The following PEBP4 variants were observed in gnomAD, a reference collection of about 807,000 sequenced individuals.
PEBP4 encodes the protein phosphatidylethanolamine binding protein 4, also known as phosphatidylethanolamine-binding protein 4.
PEBP4 carries 22 observed loss-of-function variants against 23.9 expected under a neutral mutation model. The observed-to-expected ratio is 0.92, with a 90% confidence interval of 0.66 to 1.31. PEBP4 has a LOEUF of 1.31. Ranked by LOEUF, PEBP4 falls within the 40% of genes most tolerant of loss-of-function variation. The pLI is 0.00. For synonymous variants in PEBP4, 112 were observed against 99.3 expected (o/e 1.13, Z -0.76); for missense variants, 324 against 281.7 (o/e 1.15, Z -1.07).
At chr8:22,913,467 C>T (rs1425179490) in intron 3 of PEBP4, among the ~76,000 whole-genome samples, 1 of 152,176 alleles carries the variant, frequency 6.6e-6, no homozygotes, top group Non-Finnish European at 1.5e-5. Flanking sequence ...CATGACATTG[C>T]CTCTTCCCCC....
intron 3 of PEBP4, among the ~76,000 whole-genome samples, chr8:22,879,118 C>G (rs1256684396): frequency 6.6e-6 from 1 of 152,164 alleles, no homozygotes; most frequent in Non-Finnish European, 1.5e-5. Context: ...TAGATCTCAG[C>G]TAGGAAGGGA....
intron 3 of PEBP4, among the ~76,000 whole-genome samples, chr8:22,849,275 T>C (rs1283918671): frequency 6.6e-6 from 1 of 152,228 alleles, no homozygotes; most frequent in African/African-American, 2.4e-5. Flanking sequence ...TAAAAATAGA[T>C]TATGGCTACC....
At chr8:22,791,027 A>T (rs1298151887) in intron 4 of PEBP4, among the ~76,000 whole-genome samples, 2 of 152,188 alleles carry the variant, frequency 1.3e-5, no homozygotes, top group African/African-American at 4.8e-5. Flanking sequence ...GTGGTCAGCC[A>T]CTACCCTTTG....
At chr8:22,881,215 C>G (rs570398025) in intron 3 of PEBP4, among the ~76,000 whole-genome samples, 2 of 152,220 alleles carry the variant, frequency 1.3e-5, no homozygotes, top group Non-Finnish European at 2.9e-5. Flanking sequence ...TCTGGACTCT[C>G]CCAATCCCAC....
intron 4 of PEBP4, among the ~76,000 whole-genome samples, chr8:22,735,490 A>ATG (rs1463384167): frequency 6.6e-6 from 1 of 152,242 alleles, no homozygotes; most frequent in African/African-American, 2.4e-5. Context: ...CAGAACCAGC[A>ATG]TGTGAGTCTT....
intron 2 of PEBP4, 55 bp downstream of exon 2, chr8:22,927,529 A>G (rs1483802347): frequency 1.2e-5 from 19 of 1,561,238 alleles, no homozygotes; most frequent in Non-Finnish European, 1.6e-5. Flanking sequence ...CCTCCCTGCC[A>G]TCTACCTGCC....
intron 3 of PEBP4, among the ~76,000 whole-genome samples, chr8:22,889,991 G>C (rs997344267): frequency 6.6e-6 from 1 of 152,186 alleles, no homozygotes; most frequent in African/African-American, 2.4e-5. Flanking sequence ...TGAGGTCTCT[G>C]AGCAAGCCGC....
intron 3 of PEBP4, among the ~76,000 whole-genome samples, chr8:22,916,835 A>G (rs1809086493): frequency 6.6e-6 from 1 of 152,236 alleles, no homozygotes; most frequent in African/African-American, 2.4e-5. Context: ...AGAGACAGGA[A>G]TGAGCAACTA....
chr8:22,827,750 A>G (rs532191084), intron 3 of PEBP4, among the ~76,000 whole-genome samples: 1 of 152,370 alleles, frequency 6.6e-6, no homozygotes, highest in African/African-American at 2.4e-5. Flanking sequence ...TTAGACGTCT[A>G]GAGTGGAACT....
At chr8:22,856,349 T>C (rs1474532394) in intron 3 of PEBP4, among the ~76,000 whole-genome samples, 2 of 152,222 alleles carry the variant, frequency 1.3e-5, no homozygotes, top group African/African-American at 4.8e-5. Flanking sequence ...AATACAGTGT[T>C]GATGAAATGT....
At chr8:22,898,909 C>G (rs1213165990) in intron 3 of PEBP4, among the ~76,000 whole-genome samples, 2 of 152,204 alleles carry the variant, frequency 1.3e-5, no homozygotes, top group Non-Finnish European at 2.9e-5. Flanking sequence ...GGGCCCCACC[C>G]TGTAAACTAG....
At chr8:22,933,419 A>G (rs931041247) in intron 1 of PEBP4, among the ~76,000 whole-genome samples, 5 of 152,236 alleles carry the variant, frequency 3.3e-5, no homozygotes, top group Admixed American at 6.5e-5. Context: ...TTTGAAAGCA[A>G]TAAGAGAGAA....
At chr8:22,906,710 C>A (rs1346353371) in intron 3 of PEBP4, among the ~76,000 whole-genome samples, 1 of 152,206 alleles carries the variant, frequency 6.6e-6, no homozygotes, top group Non-Finnish European at 1.5e-5. Context: ...AATCTCTTGT[C>A]ATCTTCATCT....
chr8:22,889,119 G>T (rs551992279), intron 3 of PEBP4, among the ~76,000 whole-genome samples: 2 of 152,320 alleles, frequency 1.3e-5, no homozygotes, highest in African/African-American at 2.4e-5. Flanking sequence ...TTCAAACCTC[G>T]AAAATGACTT....
At chr8:22,867,932 G>C (rs1807938304) in intron 3 of PEBP4, among the ~76,000 whole-genome samples, 1 of 152,192 alleles carries the variant, frequency 6.6e-6, no homozygotes, top group African/African-American at 2.4e-5. Context: ...TGTCCAATAG[G>C]TGATGAACCC....
intron 3 of PEBP4, among the ~76,000 whole-genome samples, chr8:22,833,942 G>A (rs952219760): frequency 2.6e-5 from 4 of 152,202 alleles, no homozygotes; most frequent in African/African-American, 9.7e-5. Context: ...CCTGAAGTCC[G>A]TAGCCAAATC....
chr8:22,797,528 C>T (rs1467315007), intron 4 of PEBP4, among the ~76,000 whole-genome samples: 1 of 152,060 alleles, frequency 6.6e-6, no homozygotes, highest in East Asian at 1.9e-4. Flanking sequence ...TTAGGAATAA[C>T]TTCGTTTTGG....
chr8:22,745,129 G>A (rs911103933), intron 4 of PEBP4, among the ~76,000 whole-genome samples: 10 of 152,170 alleles, frequency 6.6e-5, no homozygotes, highest in Admixed American at 2.0e-4. Flanking sequence ...TGGAGACTTC[G>A]GACTTGCTCA....
At position 22,719,359 on chromosome 8, in the gene PEBP4, C is replaced by T. The variant is rs61371139; in HGVS notation, c.517+5484G>A. Among the ~76,000 whole-genome samples, 183 of 152,278 alleles carry T rather than the reference C, an allele frequency of 1.2e-3. 3 individuals are homozygous for T. In the East Asian group the frequency reaches 0.028, roughly 23 times the overall value. ...GGGCAGAGAGGGGATTTCCCCTGCT[C>T]GCTTGCAAGAGGAGTGTGAGGCTGG... On this transcript the variant is annotated intron_variant, in intron 6 of 6. Coordinates refer to ENST00000256404, the MANE Select transcript of PEBP4 (RefSeq NM_144962.3).
Sources: gnomAD v4.1 joint callset for allele counts (sites outside exome capture counted in the v4.1 genomes callset) on GRCh38, gnomAD v4.1.1 for gene constraint, MANE v1.5 for transcripts, NCBI Gene and HGNC (gene_info 2026-07-23, HGNC 2026-07-21) for gene names.